DOCK5: variants seen among roughly 807,000 people sequenced by gnomAD.
The protein encoded by DOCK5 is dedicator of cytokinesis protein 5.
Under a neutral mutation model 251.8 loss-of-function variants are expected in DOCK5, and 142 were observed. The observed-to-expected ratio is 0.56, with a 90% CI of 0.49 to 0.65. DOCK5 has a LOEUF of 0.65. DOCK5 is among the 30% of genes least tolerant of loss of function. The pLI is 0.00. For synonymous variants in DOCK5, 842 were observed against 835.5 expected (o/e 1.01, Z -0.13); for missense variants, 2,111 against 2,312.3 (o/e 0.91, Z 1.79).
chr8:25,362,444 TTTC>T (rs1418633571), intron 28 of DOCK5, among the ~76,000 whole-genome samples: 2 of 106,670 alleles, frequency 1.9e-5, no homozygotes, highest in African/African-American at 7.1e-5. Context: ...CCTTTTTTCT[TTTC>T]TTTTCTTTTC....
chr8:25,195,235 A>G (rs1311950134), intron 1 of DOCK5, among the ~76,000 whole-genome samples: 1 of 147,930 alleles, frequency 6.8e-6, no homozygotes, highest in African/African-American at 2.5e-5. Flanking sequence ...TGGTCTTCTA[A>G]CTGGACTCCT....
chr8:25,382,903 G>T, intron 40 of DOCK5, 125 bp downstream of exon 40: 1 of 743,880 alleles, frequency 1.3e-6, no homozygotes, highest in South Asian at 1.9e-5. Context: ...GGTAGGGGAG[G>T]GAAACCACTT....
intron 1 of DOCK5, among the ~76,000 whole-genome samples, chr8:25,234,321 AAC>A (rs1339795550): frequency 1.2e-4 from 18 of 152,232 alleles, no homozygotes; most frequent in African/African-American, 4.1e-4. Flanking sequence ...GTCTTAGCTC[AAC>A]AGAGTCTTAG....
rs772127774 is a variant in DOCK5 at position 25,380,361 on chromosome 8, A to C, written c.3993A>C (p.Lys1331Asn). 3.1e-6 allele frequency: 5 copies of C among 1,611,830 alleles called. No homozygotes were observed. The highest frequency in any genetic ancestry group is 4.2e-6 in the Non-Finnish European group (5 of 1,178,988). Reference protein sequence around the residue: ...SKELAETYESKVFDYEGLGNL... With the variant: ...SKELAETYESNVFDYEGLGNL... ...AGTTGGCTGAGACTTACGAAAGCAA[A>C]GTATTTGACTACGAGGGCCTTGGCA... The change falls in exon 39 of 52, where the codon AAA (lysine) becomes AAC (asparagine). Residue 1331 changes from lysine (K) to asparagine (N), a missense_variant. Transcript: ENST00000276440.
chr8:25,360,103 T>C (rs749677173), intron 28 of DOCK5, among the ~76,000 whole-genome samples: 16 of 152,214 alleles, frequency 1.1e-4, no homozygotes, highest in Non-Finnish European at 1.9e-4. Context: ...GTCTCTTTGT[T>C]CTAGATTTTC....
chr8:25,260,371 A>G (rs1188935114), intron 2 of DOCK5, among the ~76,000 whole-genome samples: 1 of 110,406 alleles, frequency 9.1e-6, no homozygotes, highest in African/African-American at 4.0e-5. Context: ...CCCAGTCCCC[A>G]CAAACACACA....
At chr8:25,237,859 A>C (rs187162005) in intron 1 of DOCK5, among the ~76,000 whole-genome samples, 208 of 152,354 alleles carry the variant, frequency 1.4e-3, no homozygotes, top group Non-Finnish European at 1.8e-3. Context: ...CTTTAAAGGC[A>C]ATCCTGTTTT....
chr8:25,260,925 A>G (rs766665795), intron 2 of DOCK5, among the ~76,000 whole-genome samples: 10 of 151,832 alleles, frequency 6.6e-5, no homozygotes, highest in Admixed American at 6.6e-5. Flanking sequence ...CTTCCCTAGT[A>G]GCTAGGACTA....
chr8:25,295,702 G>T (rs1804600853), intron 6 of DOCK5, among the ~76,000 whole-genome samples: 1 of 152,048 alleles, frequency 6.6e-6, no homozygotes, highest in Non-Finnish European at 1.5e-5. Flanking sequence ...ACGCCCACTT[G>T]GTCTGTTCCT....
At position 25,395,633 on chromosome 8, in the gene DOCK5, C is replaced by G. The variant is rs200783757; in HGVS notation, c.4618C>G (p.Arg1540Gly). 10 of 1,613,416 alleles carry G rather than the reference C, an allele frequency of 6.2e-6. No individual in the cohort carries two copies. The highest frequency in any genetic ancestry group is 7.6e-6 in the Non-Finnish European group (9 of 1,179,778). The change falls in exon 45 of 52, where the codon CGG becomes GGG. Residue 1540 changes from arginine to glycine, a missense_variant. Around this residue, in one of 3 missense-constraint regions of DOCK5, gnomAD observed 1,717 missense variants for 1,892.4 expected, o/e 0.91. Coordinates refer to ENST00000276440, the MANE Select transcript of DOCK5 (RefSeq NM_024940.8). ...SNCVQQHAWD[R>G]SLSVHPLSML... ...CTGTGTTCAGCAGCATGCCTGGGAC[C>G]GGTCCCTCTCTGTGCACCCTCTCTC...
intron 5 of DOCK5, among the ~76,000 whole-genome samples, chr8:25,284,375 G>A (rs1804278626): frequency 6.6e-6 from 1 of 152,176 alleles, no homozygotes; most frequent in Non-Finnish European, 1.5e-5. Flanking sequence ...AGAAGAGCTG[G>A]ATCACACTAG....
Position 25,412,236 on chromosome 8 carries a change from C to T in DOCK5, c.*938C>T, listed in dbSNP as rs899523063. 6.6e-6 allele frequency: 1 copy of T among 152,150 alleles called. No individual in the cohort carries two copies. The highest frequency in any genetic ancestry group is 1.5e-5 in the Non-Finnish European group (1 of 68,028). The allele number at this position is 152,150 out of a possible 1,614,324, so 9.4% of individuals were successfully genotyped here. A position where few individuals can be genotyped will look rare whatever the true frequency, so the allele number is the denominator to read the frequency against. The stretch of plus-strand genomic sequence containing the variant: ...CTACCTGATTTTATCCTGGAGAATA[C>T]AGTGCAATATTTCTCTTTGATTATT... On this transcript the variant is annotated 3_prime_UTR_variant, in exon 52 of 52. Transcript: ENST00000276440.
intron 40 of DOCK5, among the ~76,000 whole-genome samples, chr8:25,387,932 G>A (rs1020428013): frequency 2.0e-5 from 3 of 152,100 alleles, no homozygotes; most frequent in Non-Finnish European, 2.9e-5. Flanking sequence ...TACAACTAGC[G>A]TTGTATTACA....
intron 38 of DOCK5, among the ~76,000 whole-genome samples, chr8:25,379,749 G>T (rs1251476187): frequency 2.0e-5 from 3 of 152,014 alleles, no homozygotes; most frequent in Non-Finnish European, 4.4e-5. Context: ...CTCTGCCGCA[G>T]CTCCAGCCGG....
chr8:25,202,657 G>A (rs1404339317), intron 1 of DOCK5, among the ~76,000 whole-genome samples: 1 of 151,996 alleles, frequency 6.6e-6, no homozygotes, highest in Admixed American at 6.6e-5. Context: ...TTGAAACCAC[G>A]GATAGTACCC....
At chr8:25,243,785 G>A in intron 2 of DOCK5, 28 bp downstream of exon 2, 1 of 1,604,196 alleles carries the variant, frequency 6.2e-7, no homozygotes, top group Non-Finnish European at 8.5e-7. Context: ...TCTGCCAGAT[G>A]AGGGCAAGGG....
Position 25,411,220 on chromosome 8 carries a change from A to G in DOCK5, c.5535A>G (p.Arg1845=). 6.3e-7 allele frequency: 1 copy of G among 1,591,768 alleles called. No individual in the cohort carries two copies. The highest frequency in any genetic ancestry group is 1.4e-5 in the African/African-American group (1 of 73,534). ...TELAPPLPVR[R]EAKAPPPPPP... ...TCGCTCCCCCACTGCCTGTCCGAAGAGAAGCCAAAGCACCACCCCCTCCAC... is the reference window on the plus strand; with the variant it reads ...TCGCTCCCCCACTGCCTGTCCGAAGGGAAGCCAAAGCACCACCCCCTCCAC... The change falls in exon 52 of 52, where the codon AGA becomes AGG. Residue 1845 remains arginine, a synonymous_variant. Coordinates refer to ENST00000276440, the MANE Select transcript of DOCK5 (RefSeq NM_024940.8).
chr8:25,213,437 C>A (rs1802153047), intron 1 of DOCK5, among the ~76,000 whole-genome samples: 1 of 149,876 alleles, frequency 6.7e-6, no homozygotes, highest in Admixed American at 6.7e-5. Context: ...CTATTTGTAA[C>A]CTTTCCTTTG....
chr8:25,244,714 A>C (rs1209447993), intron 2 of DOCK5, among the ~76,000 whole-genome samples: 1 of 152,192 alleles, frequency 6.6e-6, no homozygotes, highest in East Asian at 1.9e-4. Flanking sequence ...GGAAGGCAGG[A>C]GGAAAGGAAG....
Sources: gnomAD v4.1 joint callset for allele counts (sites outside exome capture counted in the v4.1 genomes callset) on GRCh38, gnomAD v4.1.1 for gene constraint, gnomAD v4.1.1 regional missense constraint, MANE v1.5 for transcripts, NCBI Gene and HGNC (gene_info 2026-07-23, HGNC 2026-07-21) for gene names.